The following PCDHA9 variants were observed in gnomAD, a reference collection of about 807,000 sequenced individuals.
The protein encoded by PCDHA9 is protocadherin alpha-9.
A neutral mutation model predicts 62.0 loss-of-function variants in PCDHA9; 62 were observed. That is an observed-to-expected ratio of 1.00 (90% CI 0.81 to 1.23). PCDHA9 has a LOEUF of 1.23. Ranked by LOEUF, PCDHA9 falls within the 50% of genes most tolerant of loss-of-function variation. The pLI, the probability that PCDHA9 is intolerant of heterozygous loss-of-function variation, is 0.00. For synonymous variants in PCDHA9, 557 were observed against 567.6 expected, an observed-to-expected ratio of 0.98 and a Z score of 0.27; for missense variants, 1,205 against 1,249.8, an observed-to-expected ratio of 0.96 and a Z score of 0.54.
rs369536692 is a variant in PCDHA9 at position 140,876,705 on chromosome 5, C to T, written c.2394+25816C>T. The T allele has an allele frequency of 2.0e-5, 33 of 1,614,240 alleles. No individual in the cohort carries two copies. In the African/African-American group the frequency reaches 3.3e-4, roughly 16 times the overall value. ...ATTACTACTCGTTGGTGCTGGACAG[C>T]GCCCTGGACCGCGAGAGCGTGTCGG... On this transcript the variant is annotated intron_variant, in intron 1 of 3. Transcript: ENST00000532602.
chr5:140,870,500 A>G, intron 1 of PCDHA9: 2 of 1,614,228 alleles, frequency 1.2e-6, no homozygotes, highest in East Asian at 2.2e-5. Flanking sequence ...GTGAAGGAGA[A>G]CAACCCACCA....
chr5:140,938,176 G>A (rs1554212021), intron 1 of PCDHA9, among the ~76,000 whole-genome samples: 1 of 152,088 alleles, frequency 6.6e-6, no homozygotes, highest in Non-Finnish European at 1.5e-5. Flanking sequence ...GAGCTCCTGG[G>A]CTCAAGCAAT....
At chr5:140,983,228 A>T (rs1012242202) in intron 3 of PCDHA9, among the ~76,000 whole-genome samples, 4 of 152,240 alleles carry the variant, frequency 2.6e-5, no homozygotes, top group Non-Finnish European at 4.4e-5. Context: ...CCAAACTTTC[A>T]GGAAAGAGAA....
intron 1 of PCDHA9, among the ~76,000 whole-genome samples, chr5:140,912,343 ATTTTT>A (rs35252606): frequency 7.0e-6 from 1 of 143,858 alleles, no homozygotes; most frequent in Non-Finnish European, 1.5e-5. Context: ...TACACTAAGT[ATTTTT>A]TTTTTTTTTT....
At chr5:140,875,995 A>AATGAGAATTTTG (rs1554168162) in intron 1 of PCDHA9, 7 of 1,613,958 alleles carry the variant, frequency 4.3e-6, no homozygotes, top group Non-Finnish European at 5.9e-6. Context: ...GTTAAGTCTA[A>AATGAGAATTTTG]ATGAGAATTT....
rs1002466846 is a variant in PCDHA9, at chr5:140,853,169, G to A, written c.2394+2280G>A. The A allele has an allele frequency of 8.3e-6, 8 of 959,586 alleles. No individual in the cohort carries two copies. The African/African-American group carries it at 8.9e-5, about 11-fold the overall frequency. The allele number at this position is 959,586 out of a possible 1,614,324, so 59.4% of individuals were successfully genotyped here. On this transcript the variant is annotated intron_variant, in intron 1 of 3. Coordinates refer to ENST00000532602, the MANE Select transcript of PCDHA9 (RefSeq NM_031857.2). Reference sequence around the variant, plus strand: ...GCTGGGATTACAGGCGTGAGCCACCGCGCCTGGCCTAAAATGTGTTCTTTA... The same window carrying A: ...GCTGGGATTACAGGCGTGAGCCACCACGCCTGGCCTAAAATGTGTTCTTTA...
intron 1 of PCDHA9, chr5:140,927,277 G>A (rs1554204290): frequency 6.2e-7 from 1 of 1,614,016 alleles, no homozygotes; most frequent in Non-Finnish European, 8.5e-7. Context: ...TGCCGGCGAC[G>A]TGCAGCTGCA....
At chr5:140,885,930 A>AT (rs1188534786) in intron 1 of PCDHA9, among the ~76,000 whole-genome samples, 1 of 152,104 alleles carries the variant, frequency 6.6e-6, no homozygotes, top group African/African-American at 2.4e-5. Flanking sequence ...CTGTTTATCT[A>AT]TTTTTTGACA....
intron 3 of PCDHA9, among the ~76,000 whole-genome samples, chr5:140,999,423 C>G (rs1159862736): frequency 6.6e-6 from 1 of 152,100 alleles, no homozygotes; most frequent in Non-Finnish European, 1.5e-5. Context: ...AGCTAAGAGG[C>G]CAAGTACCTT....
chr5:140,923,964 C>A (rs1410428693), intron 1 of PCDHA9, among the ~76,000 whole-genome samples: 1 of 152,160 alleles, frequency 6.6e-6, no homozygotes, highest in East Asian at 1.9e-4. Context: ...CTAATCTATA[C>A]CCACACATAC....
intron 1 of PCDHA9, chr5:140,858,272 G>A: frequency 6.3e-7 from 1 of 1,597,346 alleles, no homozygotes; most frequent in Non-Finnish European, 8.6e-7. Flanking sequence ...GTGCTCTAGC[G>A]CGGTGGGGAG....
At chr5:140,995,488 C>T (rs1402273935) in intron 3 of PCDHA9, among the ~76,000 whole-genome samples, 26 of 152,182 alleles carry the variant, frequency 1.7e-4, no homozygotes, top group Admixed American at 1.6e-3. Context: ...TATTTTCAGA[C>T]TAAGGTTGAC....
intron 1 of PCDHA9, among the ~76,000 whole-genome samples, chr5:140,945,169 AAAAT>A (rs1302154201): frequency 2.0e-5 from 3 of 152,164 alleles, no homozygotes; most frequent in Non-Finnish European, 4.4e-5. Context: ...AACTATCTGA[AAAAT>A]AAATCAAGAA....
In PCDHA9 at chr5:141,002,410, T is replaced by C. The variant is rs1034024595; in HGVS notation, c.2543-7217T>C. 2.2e-4 allele frequency among the ~76,000 whole-genome samples: 33 copies of C among 152,326 alleles called. 1 individual carries two copies. The highest frequency in any genetic ancestry group is 7.5e-4 in the African/African-American group (31 of 41,578). On this transcript the variant is annotated intron_variant, in intron 3 of 3. Coordinates refer to ENST00000532602, the MANE Select transcript of PCDHA9 (RefSeq NM_031857.2). The stretch of plus-strand genomic sequence containing the variant: ...TGCTGGCATCTCTGTGCCTCCCAAA[T>C]AGTAGTAACAAAACAGGCAATAACC...
chr5:141,000,417 ATATATTTTTTT>A (rs2097924314), intron 3 of PCDHA9, among the ~76,000 whole-genome samples: 12 of 77,748 alleles, frequency 1.5e-4, no homozygotes, highest in Non-Finnish European at 2.3e-4. Flanking sequence ...ATATATATAT[ATATATTTTTTT>A]TTTTTTTTTT....
At chr5:140,920,425 C>T (rs1444166830) in intron 1 of PCDHA9, among the ~76,000 whole-genome samples, 1 of 151,960 alleles carries the variant, frequency 6.6e-6, no homozygotes, top group Non-Finnish European at 1.5e-5. Flanking sequence ...GCTGTTCTCC[C>T]ACACACCTCT....
Position 140,850,922 on chromosome 5 carries a change from A to G in PCDHA9, c.2394+33A>G, listed in dbSNP as rs1228404686. 21 of 1,525,242 alleles carry G rather than the reference A, an allele frequency of 1.4e-5. 3 individuals are homozygous for G. Among genetic ancestry groups the G allele is most frequent in the Non-Finnish European group, 1.9e-5 (21 of 1,134,594 alleles). The allele number at this position is 1,525,242 out of a possible 1,614,324, so 94.5% of individuals were successfully genotyped here. A position where few individuals can be genotyped will look rare whatever the true frequency, so the allele number is the denominator to read the frequency against. ...TTTCTAGCATTTTATTTATTTATATAATTTTTTTTCTTGAAAGATATTATC... is the reference window on the plus strand; with the variant it reads ...TTTCTAGCATTTTATTTATTTATATGATTTTTTTTCTTGAAAGATATTATC... On this transcript the variant is annotated intron_variant, in intron 1 of 3. Transcript: ENST00000532602.
At chr5:140,941,259 T>TTCTTTCTTTCTTTCTTTC (rs2092988682) in intron 1 of PCDHA9, among the ~76,000 whole-genome samples, 1 of 121,734 alleles carries the variant, frequency 8.2e-6, no homozygotes, top group Non-Finnish European at 1.8e-5. Flanking sequence ...TTCTTTCTCT[T>TTCTTTCTTTCTTTCTTTC]TCTTTCTTTC....
At chr5:140,968,946 GCAT>G in intron 1 of PCDHA9, 4 of 1,614,172 alleles carry the variant, frequency 2.5e-6, no homozygotes, top group Non-Finnish European at 3.4e-6. Flanking sequence ...ATCATTTTGA[GCAT>G]CATCAAGTGC....
Sources: gnomAD v4.1 joint callset for allele counts (sites outside exome capture counted in the v4.1 genomes callset) on GRCh38, gnomAD v4.1.1 for gene constraint, MANE v1.5 for transcripts, NCBI Gene and HGNC (gene_info 2026-07-23, HGNC 2026-07-21) for gene names.